The following PI15 variants were observed in gnomAD, a reference collection of about 807,000 sequenced individuals.
PI15 encodes the protein 25 kDa trypsin inhibitor.
A neutral mutation model predicts 31.0 loss-of-function variants in PI15; 18 were observed. The observed-to-expected ratio is 0.58, with a 90% confidence interval of 0.40 to 0.86. The LOEUF (loss-of-function observed/expected upper bound fraction) is 0.86, where lower values mean the gene tolerates loss of function less well. Ranked by LOEUF, PI15 falls within the 40% of genes least tolerant of loss-of-function variation. PI15 has a pLI of 0.00. For missense variants in PI15, 282 were observed against 328.1 expected (o/e 0.86, Z 1.09); for synonymous variants, 118 against 119.1 (o/e 0.99, Z 0.06).
chr8:74,827,991 C>A (rs1021346295), intron 2 of PI15, among the ~76,000 whole-genome samples: 9 of 152,032 alleles, frequency 5.9e-5, no homozygotes, highest in African/African-American at 1.9e-4. Flanking sequence ...TTCATTCACA[C>A]CTGTATTTGC....
At chr8:74,848,021 T>C (rs1223423379) in intron 5 of PI15, among the ~76,000 whole-genome samples, 2 of 152,210 alleles carry the variant, frequency 1.3e-5, no homozygotes, top group African/African-American at 4.8e-5. Context: ...TTCTCCTTTA[T>C]AATTAAAAGA....
chr8:74,850,362 G>C lies in PI15; in HGVS notation c.*1109G>C, dbSNP rs1412042563. The C allele has an allele frequency of 6.6e-6, 1 of 152,212 alleles. No homozygotes were observed. Among genetic ancestry groups the C allele is most frequent in the Non-Finnish European group, 1.5e-5 (1 of 68,044 alleles). 9.4% of individuals were successfully genotyped at this position (152,212 alleles called of 1,614,324 possible). The stretch of plus-strand genomic sequence containing the variant: ...AAAATTTAGTGGACAGGTATGAAAA[G>C]TGTAATTGCGCCTAACTACCAGATG... On this transcript the variant is annotated 3_prime_UTR_variant, in exon 6 of 6. Coordinates refer to ENST00000260113, the MANE Select transcript of PI15 (RefSeq NM_015886.5).
At chr8:74,848,505 A>G (rs1811055789) in intron 5 of PI15, among the ~76,000 whole-genome samples, 1 of 151,632 alleles carries the variant, frequency 6.6e-6, no homozygotes, top group African/African-American at 2.4e-5. Flanking sequence ...GATGAGCATT[A>G]GTGTGAGTTT....
At chr8:74,844,331 A>G (rs1163135064) in intron 3 of PI15, among the ~76,000 whole-genome samples, 1 of 151,632 alleles carries the variant, frequency 6.6e-6, no homozygotes, top group Non-Finnish European at 1.5e-5. Flanking sequence ...CTTAGCCTGG[A>G]TTTTTCTTTG....
At position 74,825,209 on chromosome 8, in the gene PI15, G is replaced by A. The variant is rs1025158280; in HGVS notation, c.-40-1G>A. On this transcript the variant is annotated splice_acceptor_variant, in intron 1 of 5. Coordinates refer to ENST00000260113, the MANE Select transcript of PI15 (RefSeq NM_015886.5). LOFTEE classifies it low-confidence loss of function (5UTR_SPLICE). Reference sequence around the variant, plus strand: ...CCTAACTCTACCTTTCTGCTTTAAAGCAAAGTAAACTCGGTGGCCTCTTCT... The same window carrying A: ...CCTAACTCTACCTTTCTGCTTTAAAACAAAGTAAACTCGGTGGCCTCTTCT... 1 of 1,600,564 alleles carries A rather than the reference G, an allele frequency of 6.2e-7. No individual in the cohort carries two copies. The highest frequency in any genetic ancestry group is 8.5e-7 in the Non-Finnish European group (1 of 1,170,420).
At chr8:74,848,730 T>TAGAGAGAGAGAGAGAG (rs1026583590) in intron 5 of PI15, among the ~76,000 whole-genome samples, 2 of 140,404 alleles carry the variant, frequency 1.4e-5, no homozygotes, top group African/African-American at 5.5e-5. Context: ...TATATATATA[T>TAGAGAGAGAGAGAGAG]ATAGAGAGAG....
At chr8:74,848,732 T>TATATATATATAGAGAG (rs1191072583) in intron 5 of PI15, among the ~76,000 whole-genome samples, 100 of 136,334 alleles carry the variant, frequency 7.3e-4, no homozygotes, top group African/African-American at 2.6e-3. Context: ...TATATATATA[T>TATATATATATAGAGAG]AGAGAGAGAG....
At position 74,853,085 on chromosome 8, in the gene PI15, G is replaced by A. The variant is rs938636892; in HGVS notation, c.*3832G>A. 1.0e-4 allele frequency: 16 copies of A among 152,492 alleles called. No homozygotes were observed. The highest frequency in any genetic ancestry group is 4.4e-5 in the Non-Finnish European group (3 of 67,944). 9.4% of individuals were successfully genotyped at this position (152,492 alleles called of 1,614,324 possible). A position where few individuals can be genotyped will look rare whatever the true frequency, so the allele number is the denominator to read the frequency against. On this transcript the variant is annotated 3_prime_UTR_variant, in exon 6 of 6. Coordinates refer to ENST00000260113, the MANE Select transcript of PI15 (RefSeq NM_015886.5). Reference sequence around the variant, plus strand: ...AAATAATTTTTTAAATTATGTTATTGTTTAAATTTGACTTATGGGAGATCA... The same window carrying A: ...AAATAATTTTTTAAATTATGTTATTATTTAAATTTGACTTATGGGAGATCA...
intron 3 of PI15, among the ~76,000 whole-genome samples, chr8:74,844,418 G>A (rs1810990635): frequency 7.0e-6 from 1 of 143,714 alleles, no homozygotes; most frequent in Non-Finnish European, 1.5e-5. Flanking sequence ...CCCCATGACT[G>A]TGCAGAGGCT....
chr8:74,844,995 A>AT, intron 3 of PI15, 133 bp from the exon 4 acceptor site: 1 of 739,758 alleles, frequency 1.4e-6, no homozygotes, highest in South Asian at 1.7e-5. Flanking sequence ...GGTGATGGTG[A>AT]TTGTGAGGGG....
intron 2 of PI15, among the ~76,000 whole-genome samples, chr8:74,840,840 A>G (rs1447213874): frequency 6.6e-6 from 1 of 152,192 alleles, no homozygotes; most frequent in Non-Finnish European, 1.5e-5. Flanking sequence ...GAAAGCAATT[A>G]TCCCTCCTTC....
intron 5 of PI15, among the ~76,000 whole-genome samples, chr8:74,848,168 G>A (rs886681635): frequency 6.6e-6 from 1 of 152,122 alleles, no homozygotes; most frequent in Admixed American, 6.5e-5. Flanking sequence ...AATGGGTTCA[G>A]TATTATCAAA....
intron 2 of PI15, among the ~76,000 whole-genome samples, chr8:74,840,610 C>A (rs1478676046): frequency 6.6e-6 from 1 of 152,172 alleles, no homozygotes; most frequent in African/African-American, 2.4e-5. Flanking sequence ...TCAAGCCAGA[C>A]TTTCCCCTTC....
chr8:74,854,138 A>G lies in PI15; in HGVS notation c.*4885A>G, dbSNP rs1811146958. 1 of 152,054 alleles carries G rather than the reference A, an allele frequency of 6.6e-6. No individual in the cohort carries two copies. The allele number at this position is 152,054 out of a possible 1,614,324, so 9.4% of individuals were successfully genotyped here. A position where few individuals can be genotyped will look rare whatever the true frequency, so the allele number is the denominator to read the frequency against. On this transcript the variant is annotated 3_prime_UTR_variant, in exon 6 of 6. Transcript: ENST00000260113. ...AAAGTCTTTCTAGATTTAAAAATGT[A>G]TGCAAAAGCTTAGGATTATATCATG...
chr8:74,831,314 G>GA (rs1476723732), intron 2 of PI15, among the ~76,000 whole-genome samples: 5 of 152,156 alleles, frequency 3.3e-5, no homozygotes, highest in Admixed American at 3.3e-4. Flanking sequence ...GGTGGAAAAT[G>GA]ATATTTGACC....
rs982804350 is a variant in PI15 at position 74,836,131 on chromosome 8, C to A, written c.274-7850C>A. ...GGCCTGAGCAATAAAGAACAGCAAC[C>A]AGTAAACTTTTTCTGTAAAGGGCCT... On this transcript the variant is annotated intron_variant, in intron 2 of 5. Coordinates refer to ENST00000260113, the MANE Select transcript of PI15 (RefSeq NM_015886.5). Among the ~76,000 whole-genome samples the A allele has an allele frequency of 2.5e-4, 38 of 152,122 alleles. 1 individual carries two copies. The highest frequency in any genetic ancestry group is 8.0e-4 in the African/African-American group (33 of 41,422).
intron 2 of PI15, among the ~76,000 whole-genome samples, chr8:74,838,950 A>G (rs1810907171): frequency 6.6e-6 from 1 of 152,200 alleles, no homozygotes; most frequent in Non-Finnish European, 1.5e-5. Context: ...AAGACAGTTG[A>G]TAAGACAGCC....
intron 2 of PI15, among the ~76,000 whole-genome samples, chr8:74,828,322 G>A (rs993060776): frequency 1.3e-5 from 2 of 152,102 alleles, no homozygotes; most frequent in Non-Finnish European, 2.9e-5. Flanking sequence ...AGGTCTGGAG[G>A]TGGGAGAATA....
chr8:74,841,119 A>T lies in PI15; in HGVS notation c.274-2862A>T, dbSNP rs867195646. On this transcript the variant is annotated intron_variant, in intron 2 of 5. Transcript: ENST00000260113. ...TTAAATGCCTTAATTTTTATTACTT[A>T]TTTTTTATTTTATATATTTAACATA... Among the ~76,000 whole-genome samples, 27 of 152,226 alleles carry T rather than the reference A, an allele frequency of 1.8e-4. No individual in the cohort carries two copies. In the South Asian group the frequency reaches 5.6e-3, roughly 32 times the overall value.
Sources: gnomAD v4.1 joint callset for allele counts (sites outside exome capture counted in the v4.1 genomes callset) on GRCh38, gnomAD v4.1.1 for gene constraint, MANE v1.5 for transcripts, NCBI Gene and HGNC (gene_info 2026-07-23, HGNC 2026-07-21) for gene names.